The following SCYL1 variants were observed in gnomAD, a reference collection of about 807,000 sequenced individuals.
SCYL1 encodes the protein N-terminal kinase-like protein.
SCYL1 carries 85 observed loss-of-function variants against 94.8 expected under a neutral mutation model. The ratio of observed to expected loss-of-function variants is 0.90; its 90% CI spans 0.75 to 1.07. The LOEUF (loss-of-function observed/expected upper bound fraction) is 1.07, where lower values mean the gene tolerates loss of function less well. SCYL1 is among the 50% of genes least tolerant of loss of function. The pLI, the probability that SCYL1 is intolerant of heterozygous loss-of-function variation, is 0.00. For synonymous variants in SCYL1, 459 were observed against 435.5 expected, an observed-to-expected ratio of 1.05 and a Z score of -0.67; for missense variants, 968 against 1,083.3, an observed-to-expected ratio of 0.89 and a Z score of 1.49.
At chr11:65,536,482 G>A (rs1855649102) in intron 12 of SCYL1, 104 bp from the exon 13 acceptor site, 2 of 1,449,488 alleles carry the variant, frequency 1.4e-6, no homozygotes, top group South Asian at 1.2e-5. Context: ...AATCAGGCCT[G>A]GAGAAAGGAG....
At position 65,535,985 on chromosome 11, in the gene SCYL1, C is replaced by T. The variant is rs1005723647; in HGVS notation, c.1419C>T (p.Ser473=). The T allele has an allele frequency of 2.5e-6, 4 of 1,609,878 alleles. No individual in the cohort carries two copies. The African/African-American group carries it at 4.0e-5, about 16-fold the overall frequency. The stretch of plus-strand genomic sequence containing the variant: ...ACAGGGTCCTTACCTCTGCCTTCAG[C>T]CGAGCCACTAGGGACCCGTTTGCAC... ...TRHRVLTSAF[S]RATRDPFAPS... is the part of the protein sequence containing the mutation. Residue 473 remains serine, a synonymous_variant, in exon 11 of 18, where the codon AGC becomes AGT. Transcript: ENST00000270176.
chr11:65,538,435 A>G lies in SCYL1; in HGVS notation c.2303-7A>G, dbSNP rs1855837034. 1 of 1,548,002 alleles carries G rather than the reference A, an allele frequency of 6.5e-7. No individual in the cohort carries two copies. Among genetic ancestry groups the G allele is most frequent in the East Asian group, 2.4e-5 (1 of 40,952 alleles). ...GCTGAGACCGGGGCTCCCCTTCCTG[A>G]CGCCAGGACAGGTCAAGGCTGAGCT... On this transcript the variant is annotated splice_region_variant and splice_polypyrimidine_tract_variant and intron_variant, in intron 17 of 17. Coordinates refer to ENST00000270176, the MANE Select transcript of SCYL1 (RefSeq NM_020680.4).
intron 8 of SCYL1, among the ~76,000 whole-genome samples, chr11:65,532,426 GAAAAAAAAAAAA>G (rs398016427): frequency 9.6e-6 from 1 of 104,234 alleles, no homozygotes; most frequent in Non-Finnish European, 2.0e-5. Context: ...CTCTGTCTCA[GAAAAAAAAAAAA>G]AAAAAAAATA....
In SCYL1 at chr11:65,530,736, C is replaced by T. The variant is rs751033533; in HGVS notation, c.957C>T (p.Thr319=). ...ACAAGGTGCTGCCCCAGCTGCTGAC[C>T]GCCTTCGAGTTCGGCAATGCTGGGG... is the stretch of plus-strand genomic sequence containing the variant. ...CRHKVLPQLL[T]AFEFGNAGAV... The change falls in exon 7 of 18, where the codon ACC becomes ACT. Residue 319 remains threonine, a synonymous_variant. Coordinates refer to ENST00000270176, the MANE Select transcript of SCYL1 (RefSeq NM_020680.4). The T allele has an allele frequency of 6.8e-6, 11 of 1,613,888 alleles. No individual in the cohort carries two copies. The highest frequency in any genetic ancestry group is 4.4e-5 in the South Asian group (4 of 91,088).
intron 10 of SCYL1, chr11:65,535,632 G>GT: frequency 1.7e-6 from 1 of 603,846 alleles, no homozygotes; most frequent in East Asian, 2.8e-5. Flanking sequence ...GCCAGGGTTT[G>GT]TAAGTTCAGT....
At position 65,525,159 on chromosome 11, in the gene SCYL1, GT is replaced by G. The variant is rs762404679; in HGVS notation, c.8del (p.Phe3SerfsTer48). On this transcript the variant is annotated frameshift_variant, in exon 1 of 18. Transcript: ENST00000270176. LOFTEE classifies it high-confidence loss of function. ...CCGCGGCGGCGGTGGGGACGATGTG[GT>G]TCTTTGCCCGGGACCCGGTCCGGGA... MW[F>X]FARDPVRDFP... is the part of the protein sequence containing the mutation. 7 of 1,370,670 alleles carry G rather than the reference GT, an allele frequency of 5.1e-6. No individual in the cohort carries two copies. The highest frequency in any genetic ancestry group is 5.7e-6 in the Non-Finnish European group (6 of 1,053,116). 84.9% of individuals were successfully genotyped at this position (1,370,670 alleles called of 1,614,324 possible). A position where few individuals can be genotyped will look rare whatever the true frequency, so the allele number is the denominator to read the frequency against.
intron 6 of SCYL1, among the ~76,000 whole-genome samples, chr11:65,530,028 G>T (rs932761532): frequency 6.6e-6 from 1 of 152,154 alleles, no homozygotes; most frequent in Non-Finnish European, 1.5e-5. Flanking sequence ...GGCCTCAAAG[G>T]GGGGTTAGGA....
In SCYL1 at chr11:65,536,578, C is replaced by T. The variant is rs373639526; in HGVS notation, c.1652-8C>T. The stretch of plus-strand genomic sequence containing the variant: ...CCATACCCACCTCTCTCTCATGCCA[C>T]TGCCCAGAGAAGGATGTCCATGCAG... On this transcript the variant is annotated splice_polypyrimidine_tract_variant and splice_region_variant and intron_variant, in intron 12 of 17. Coordinates refer to ENST00000270176, the MANE Select transcript of SCYL1 (RefSeq NM_020680.4). 594 of 1,613,790 alleles carry T rather than the reference C, an allele frequency of 3.7e-4. 1 individual carries two copies. Among genetic ancestry groups the T allele is most frequent in the Non-Finnish European group, 4.7e-4 (555 of 1,179,914 alleles).
At chr11:65,533,416 C>G (rs745500580) in intron 9 of SCYL1, among the ~76,000 whole-genome samples, 6 of 152,050 alleles carry the variant, frequency 3.9e-5, no homozygotes, top group Non-Finnish European at 7.3e-5. Context: ...GAGGGAAACT[C>G]TGTTTCAAAA....
Position 65,532,758 on chromosome 11 carries a change from C to G in SCYL1, c.1183C>G (p.His395Asp), listed in dbSNP as rs932903552. The G allele has an allele frequency of 6.2e-7, 1 of 1,614,070 alleles. No homozygotes were observed. Among genetic ancestry groups the G allele is most frequent in the African/African-American group, 1.3e-5 (1 of 74,960 alleles). Reference protein sequence around the residue: ...VNTQIFPHVVHGFLDTNPAIR... With the variant: ...VNTQIFPHVVDGFLDTNPAIR... Reference sequence around the variant, plus strand: ...CACCCAGATCTTCCCCCACGTCGTACATGGCTTCCTGGACACCAACCCTGC... The same window carrying G: ...CACCCAGATCTTCCCCCACGTCGTAGATGGCTTCCTGGACACCAACCCTGC... Residue 395 changes from histidine (H) to aspartate (D), a missense_variant, in exon 9 of 18, where the codon CAT becomes GAT. Coordinates refer to ENST00000270176, the MANE Select transcript of SCYL1 (RefSeq NM_020680.4).
In SCYL1 at chr11:65,527,020, G is replaced by A. The variant is rs558695770; in HGVS notation, c.752G>A (p.Arg251His). ...CTGGTGGGAGCAAACCCCAAGGTGC[G>A]TCCCAACCCAGCCCGCTTCCTGCAG... ...CELVGANPKV[R>H]PNPARFLQNC... is the part of the protein sequence containing the mutation. The change falls in exon 6 of 18, where the codon CGT becomes CAT. Residue 251 changes from arginine to histidine, a missense_variant. Physicochemically the swap from Arg to His is conservative, Grantham distance 29. Around this residue, in one of 2 missense-constraint regions of SCYL1, gnomAD observed 494 missense variants for 619.7 expected, o/e 0.80. Transcript: ENST00000270176. The A allele has an allele frequency of 1.3e-5, 21 of 1,613,516 alleles. No homozygotes were observed. The East Asian group carries it at 2.7e-4, about 21-fold the overall frequency.
rs1156430811 is a variant in SCYL1 at position 65,538,171 on chromosome 11, C to A, written c.2236C>A (p.Pro746Thr). The A allele has an allele frequency of 6.3e-7, 1 of 1,585,854 alleles. No individual in the cohort carries two copies. The highest frequency in any genetic ancestry group is 1.8e-5 in the Admixed American group (1 of 55,748). The change falls in exon 16 of 18, where the codon CCC (proline) becomes ACC (threonine). Residue 746 changes from proline to threonine, a missense_variant. Transcript: ENST00000270176. ...GDPFATLSARPSTQPRPDSWG... is the reference protein window; with the variant it reads ...GDPFATLSARTSTQPRPDSWG... Reference sequence around the variant, plus strand: ...CCCCTTCGCTACCCTGTCTGCACGTCCCAGCACCCAGGTACCCAGCACAGG... The same window carrying A: ...CCCCTTCGCTACCCTGTCTGCACGTACCAGCACCCAGGTACCCAGCACAGG...
chr11:65,527,122 G>A lies in SCYL1; in HGVS notation c.849+5G>A, dbSNP rs376998761. 1.7e-5 allele frequency: 27 copies of A among 1,611,548 alleles called. No individual in the cohort carries two copies. The highest frequency in any genetic ancestry group is 2.2e-5 in the Non-Finnish European group (26 of 1,178,450). On this transcript the variant is annotated splice_donor_5th_base_variant and intron_variant, in intron 6 of 17. Transcript: ENST00000270176. ...CTCTTCCTGGAGGAGATTCAGGTGA[G>A]CCCCCAACCCACCCTGGGCTTCGAC...
In SCYL1 at chr11:65,525,677, G is replaced by A. The variant is rs776484564; in HGVS notation, c.215G>A (p.Arg72Gln). 6.2e-7 allele frequency: 1 copy of A among 1,612,708 alleles called. No individual in the cohort carries two copies. The highest frequency in any genetic ancestry group is 1.1e-5 in the South Asian group (1 of 91,072). ...GCCTTCAAGCGCTTCAAAACTCTAC[G>A]GCACCCCAACATCCTGGCTTACATC... ...KAAFKRFKTLRHPNILAYIDG... is the reference protein window; with the variant it reads ...KAAFKRFKTLQHPNILAYIDG... The change falls in exon 2 of 18, where the codon CGG (arginine) becomes CAG (glutamine). Residue 72 changes from arginine to glutamine, a missense_variant. Arg to Gln is a conservative substitution (Grantham distance 43). Transcript: ENST00000270176.
chr11:65,536,777 G>A (rs1426906536), intron 13 of SCYL1, 27 bp downstream of exon 13: 1 of 1,576,034 alleles, frequency 6.3e-7, no homozygotes, highest in African/African-American at 1.3e-5. Flanking sequence ...AGCTGCATCA[G>A]TGGCTGAGAG....
In SCYL1 at chr11:65,526,695, C is replaced by A; in HGVS notation, c.603-88C>A. The A allele has an allele frequency of 7.8e-7, 1 of 1,279,608 alleles. No individual in the cohort carries two copies. Among genetic ancestry groups the A allele is most frequent in the Non-Finnish European group, 1.1e-6 (1 of 907,840 alleles). The allele number at this position is 1,279,608 out of a possible 1,614,324, so 79.3% of individuals were successfully genotyped here. A position where few individuals can be genotyped will look rare whatever the true frequency, so the allele number is the denominator to read the frequency against. The stretch of plus-strand genomic sequence containing the variant: ...GCTGAGGGACATAGCCAGGCCCTGG[C>A]ATGCAGTGGGTGCCTGGTGCCCAAG... On this transcript the variant is annotated intron_variant, in intron 4 of 17. Transcript: ENST00000270176. The surrounding 1 kb of genome is among the most constrained non-coding windows in gnomAD (Gnocchi z 4.1).
chr11:65,534,478 G>C (rs1306851950), intron 9 of SCYL1, among the ~76,000 whole-genome samples: 1 of 152,154 alleles, frequency 6.6e-6, no homozygotes, highest in African/African-American at 2.4e-5. Flanking sequence ...TGGAAGGTTA[G>C]GAGTTGCTAT....
chr11:65,537,785 C>T, intron 14 of SCYL1, 24 bp from the exon 15 acceptor site: 2 of 1,534,764 alleles, frequency 1.3e-6, no homozygotes, highest in Non-Finnish European at 1.8e-6. Flanking sequence ...GGGTGGGAGT[C>T]AGTGGTCCCT....
chr11:65,532,945 C>T, intron 9 of SCYL1, 140 bp downstream of exon 9: 1 of 634,276 alleles, frequency 1.6e-6, no homozygotes, highest in South Asian at 1.8e-5. Context: ...GCCGTGGGTG[C>T]AGCTCGGCAG....
Sources: gnomAD v4.1 joint callset for allele counts (sites outside exome capture counted in the v4.1 genomes callset) on GRCh38, gnomAD v4.1.1 for gene constraint, gnomAD v4.1.1 regional missense constraint, Gnocchi (gnomAD v3.1) non-coding constraint, MANE v1.5 for transcripts, NCBI Gene and HGNC (gene_info 2026-07-23, HGNC 2026-07-21) for gene names.